The following GPC5 variants were observed in gnomAD, a reference collection of about 807,000 sequenced individuals.
GPC5 encodes glypican 5.
In GPC5, 47 loss-of-function variants were observed where a neutral mutation model predicts 53.9. The observed-to-expected ratio is 0.87, with a 90% CI of 0.69 to 1.11. The LOEUF is 1.11. Among genes scored for constraint, GPC5 ranks in the 50% most tolerant of loss-of-function variants. GPC5 has a pLI of 0.00. For synonymous variants in GPC5, 286 were observed against 263.3 expected, an observed-to-expected ratio of 1.09 and a Z score of -0.84; for missense variants, 748 against 713.1, an observed-to-expected ratio of 1.05 and a Z score of -0.56.
At chr13:92,349,373 G>C (rs916268364) in intron 7 of GPC5, among the ~76,000 whole-genome samples, 8 of 151,688 alleles carry the variant, frequency 5.3e-5, no homozygotes, top group African/African-American at 1.9e-4. Context: ...TTGAACTCCC[G>C]ACCTCAGGTG....
At chr13:92,178,835 G>A (rs2042126692) in intron 7 of GPC5, among the ~76,000 whole-genome samples, 1 of 152,048 alleles carries the variant, frequency 6.6e-6, no homozygotes, top group South Asian at 2.1e-4. Flanking sequence ...AATTAGCCAG[G>A]TGTGGTGGCC....
intron 5 of GPC5, among the ~76,000 whole-genome samples, chr13:91,888,106 G>T (rs1312665687): frequency 6.6e-6 from 1 of 152,194 alleles, no homozygotes; most frequent in Admixed American, 6.5e-5. Flanking sequence ...TGGATACACA[G>T]TTCCACATAG....
intron 7 of GPC5, among the ~76,000 whole-genome samples, chr13:92,251,048 C>G (rs1304033104): frequency 2.6e-5 from 4 of 152,056 alleles, no homozygotes; most frequent in African/African-American, 9.7e-5. Context: ...CCCTTATTTT[C>G]TTTGTTATTC....
chr13:91,641,714 C>G (rs940179145), intron 2 of GPC5, among the ~76,000 whole-genome samples: 1 of 152,182 alleles, frequency 6.6e-6, no homozygotes, highest in African/African-American at 2.4e-5. Context: ...TACATGGTAT[C>G]ATATTTAGTT....
intron 7 of GPC5, among the ~76,000 whole-genome samples, chr13:92,199,290 C>G (rs900169756): frequency 6.6e-6 from 1 of 152,198 alleles, no homozygotes; most frequent in Admixed American, 6.5e-5. Flanking sequence ...TCAGCAACTT[C>G]TAGCCTGACC....
chr13:92,593,216 GAC>G (rs2139070292), intron 7 of GPC5, among the ~76,000 whole-genome samples: 1 of 151,306 alleles, frequency 6.6e-6, no homozygotes, highest in East Asian at 1.9e-4. Context: ...AAAAAAGGGA[GAC>G]ATAAGGAGAA....
At chr13:92,444,633 G>A (rs111935584) in intron 7 of GPC5, among the ~76,000 whole-genome samples, 2,697 of 148,612 alleles carry the variant, frequency 0.018, 79 homozygotes, top group African/African-American at 0.061. Context: ...TATTGCATAC[G>A]GAAAACCTAG....
At chr13:92,729,133 A>G (rs1594460197) in intron 7 of GPC5, among the ~76,000 whole-genome samples, 1 of 151,208 alleles carries the variant, frequency 6.6e-6, no homozygotes, top group South Asian at 2.1e-4. Flanking sequence ...CTTCTCCCCA[A>G]AGCATCCTTA....
intron 7 of GPC5, among the ~76,000 whole-genome samples, chr13:92,614,387 GAAAAAGCCATTGTA>G (rs1884611315): frequency 6.6e-6 from 1 of 152,036 alleles, no homozygotes; most frequent in Non-Finnish European, 1.5e-5. Flanking sequence ...TTAATACCCC[GAAAAAGCCATTGTA>G]AAAATGAAAT....
intron 7 of GPC5, among the ~76,000 whole-genome samples, chr13:92,280,804 A>G (rs2042909232): frequency 6.6e-6 from 1 of 152,162 alleles, no homozygotes; most frequent in Admixed American, 6.5e-5. Flanking sequence ...GCTCCAGTCT[A>G]TAGCTCCCAG....
chr13:92,482,138 A>T (rs2139434284), intron 7 of GPC5, among the ~76,000 whole-genome samples: 1 of 152,248 alleles, frequency 6.6e-6, no homozygotes, highest in Middle Eastern at 3.4e-3. Flanking sequence ...CCTAAAAAAA[A>T]AAAATTCCTG....
intron 7 of GPC5, among the ~76,000 whole-genome samples, chr13:92,404,852 T>G (rs1875724889): frequency 6.7e-6 from 1 of 150,016 alleles, no homozygotes; most frequent in Non-Finnish European, 1.5e-5. Context: ...AATTATTTAT[T>G]AAGGTGGTAC....
intron 7 of GPC5, among the ~76,000 whole-genome samples, chr13:92,613,972 A>G (rs1737020924): frequency 6.6e-6 from 1 of 152,128 alleles, no homozygotes; most frequent in South Asian, 2.1e-4. Flanking sequence ...AGTATTCAGT[A>G]TGCCTAGAAT....
chr13:92,697,333 C>T (rs547984151), intron 7 of GPC5, among the ~76,000 whole-genome samples: 15 of 152,172 alleles, frequency 9.9e-5, no homozygotes, highest in South Asian at 4.1e-4. Flanking sequence ...TCCATGAGCA[C>T]GGAATGTTTT....
At chr13:91,522,846 C>G (rs1340741067) in intron 2 of GPC5, among the ~76,000 whole-genome samples, 3 of 152,166 alleles carry the variant, frequency 2.0e-5, no homozygotes, top group African/African-American at 7.2e-5. Flanking sequence ...GACATGAACT[C>G]ATCCTTTTTT....
intron 7 of GPC5, among the ~76,000 whole-genome samples, chr13:92,289,479 T>A (rs888556848): frequency 1.6e-4 from 24 of 152,080 alleles, no homozygotes; most frequent in Non-Finnish European, 3.1e-4. Context: ...TAATAACATT[T>A]AATAACTTTT....
chr13:92,438,260 A>T (rs1877398730), intron 7 of GPC5, among the ~76,000 whole-genome samples: 1 of 151,976 alleles, frequency 6.6e-6, no homozygotes. Flanking sequence ...CCCAATCTAC[A>T]ATGTTGGGTA....
At chr13:91,814,623 C>T (rs908906898) in intron 5 of GPC5, among the ~76,000 whole-genome samples, 1 of 152,116 alleles carries the variant, frequency 6.6e-6, no homozygotes, top group Admixed American at 6.5e-5. Context: ...TCACTGCAAC[C>T]TCCACCTCCT....
chr13:92,392,366 T>C (rs528498606), intron 7 of GPC5, among the ~76,000 whole-genome samples: 5 of 152,258 alleles, frequency 3.3e-5, no homozygotes, highest in African/African-American at 4.8e-5. Context: ...AAGTTGGAGC[T>C]GGACCCCTTT....
Sources: gnomAD v4.1 joint callset for allele counts (sites outside exome capture counted in the v4.1 genomes callset) on GRCh38, gnomAD v4.1.1 for gene constraint, MANE v1.5 for transcripts, NCBI Gene and HGNC (gene_info 2026-07-23, HGNC 2026-07-21) for gene names.